The following SLC30A8 variants were observed in gnomAD, a reference collection of about 807,000 sequenced individuals.
The protein encoded by SLC30A8 is proton-coupled zinc antiporter SLC30A8.
SLC30A8 carries 27 observed loss-of-function variants against 36.9 expected under a neutral mutation model. The observed-to-expected ratio is 0.73, with a 90% CI of 0.54 to 1.01. SLC30A8 has a LOEUF of 1.01. SLC30A8 is among the 50% of genes least tolerant of loss of function. The pLI, the probability that SLC30A8 is intolerant of heterozygous loss-of-function variation, is 0.00. For synonymous variants in SLC30A8, 164 were observed against 172.4 expected (o/e 0.95, Z 0.38); for missense variants, 439 against 452.0 (o/e 0.97, Z 0.26).
At chr8:117,104,990 C>T (rs777212020) in intron 2 of SLC30A8, among the ~76,000 whole-genome samples, 7 of 152,040 alleles carry the variant, frequency 4.6e-5, no homozygotes, top group African/African-American at 1.7e-4. Context: ...TTATAATTAG[C>T]GTATAATGAG....
At chr8:117,141,553 A>G (rs1337707977) in intron 1 of SLC30A8, among the ~76,000 whole-genome samples, 3 of 152,070 alleles carry the variant, frequency 2.0e-5, no homozygotes, top group Non-Finnish European at 4.4e-5. Context: ...TCATATCATA[A>G]TTTTTTTCAA....
chr8:117,030,563 C>A lies in SLC30A8; in HGVS notation c.-265-8656C>A, dbSNP rs191719338. 2.5e-3 allele frequency among the ~76,000 whole-genome samples: 377 copies of A among 152,280 alleles called. 2 individuals are homozygous for A. The highest frequency in any genetic ancestry group is 8.7e-3 in the African/African-American group (363 of 41,544). ...TCTTTGTCATGCTGGAAGGAATAAA[C>A]TTCTGCCTGGGTGCAGTGTTAAATA... is the stretch of plus-strand genomic sequence containing the variant. On this transcript the variant is annotated intron_variant, in intron 1 of 10. Transcript: ENST00000427715.
chr8:117,018,596 G>A (rs955566068), intron 1 of SLC30A8, among the ~76,000 whole-genome samples: 1 of 150,962 alleles, frequency 6.6e-6, no homozygotes, highest in African/African-American at 2.4e-5. Flanking sequence ...GCATAGCACT[G>A]TTGCGTTTGA....
At chr8:117,106,719 C>G (rs1820011944) in intron 2 of SLC30A8, among the ~76,000 whole-genome samples, 1 of 152,154 alleles carries the variant, frequency 6.6e-6, no homozygotes, top group Non-Finnish European at 1.5e-5. Flanking sequence ...ATCCCCAGCC[C>G]ACTTTGACTC....
chr8:116,952,881 T>C (rs1363517146), intron 1 of SLC30A8, among the ~76,000 whole-genome samples: 1 of 149,988 alleles, frequency 6.7e-6, no homozygotes, highest in Non-Finnish European at 1.5e-5. Context: ...TAATGTCAAT[T>C]TTTATTTTAG....
intron 2 of SLC30A8, among the ~76,000 whole-genome samples, chr8:117,101,800 C>T (rs117808184): frequency 7.2e-4 from 110 of 152,252 alleles, no homozygotes; most frequent in South Asian, 1.0e-3. Flanking sequence ...TGCTTCCTAC[C>T]CTTGAATATC....
chr8:117,082,028 A>T (rs1818691197), intron 2 of SLC30A8, among the ~76,000 whole-genome samples: 1 of 152,208 alleles, frequency 6.6e-6, no homozygotes, highest in South Asian at 2.1e-4. Flanking sequence ...GTCATTAGTT[A>T]TCTCCTGAGT....
At chr8:117,095,109 CTTAGGTGGCTGCAGCTGCGCCAGGGA>C (rs1819300834) in intron 2 of SLC30A8, among the ~76,000 whole-genome samples, 1 of 152,192 alleles carries the variant, frequency 6.6e-6, no homozygotes, top group Non-Finnish European at 1.5e-5. Context: ...GCAGCCATGG[CTTAGGTGGCTGCAGCTGCGCCAGGGA>C]GGGCAGGGCT....
chr8:117,086,805 G>A (rs1053276177), intron 2 of SLC30A8, among the ~76,000 whole-genome samples: 1 of 152,226 alleles, frequency 6.6e-6, no homozygotes, highest in African/African-American at 2.4e-5. Context: ...TGGCTGGAAA[G>A]TACACTCTAC....
chr8:117,139,859 TAAAA>T (rs61537395), intron 1 of SLC30A8, among the ~76,000 whole-genome samples: 2 of 109,730 alleles, frequency 1.8e-5, no homozygotes, highest in Admixed American at 9.9e-5. Context: ...CAACATCTGG[TAAAA>T]AAAAAAAAAA....
intron 2 of SLC30A8, among the ~76,000 whole-genome samples, chr8:117,077,509 A>G (rs1175192681): frequency 6.6e-6 from 1 of 152,218 alleles, no homozygotes; most frequent in Non-Finnish European, 1.5e-5. Flanking sequence ...GCAAACCTAT[A>G]AGAATAAGAG....
At chr8:116,965,859 C>T (rs1814582419) in intron 1 of SLC30A8, among the ~76,000 whole-genome samples, 1 of 151,706 alleles carries the variant, frequency 6.6e-6, no homozygotes, top group African/African-American at 2.4e-5. Flanking sequence ...AGGCTCTTCC[C>T]TAACAATATT....
At chr8:116,950,735 A>G (rs1813966304), upstream of SLC30A8, among the ~76,000 whole-genome samples, 2 of 152,216 alleles carry the variant, frequency 1.3e-5, no homozygotes, top group African/African-American at 2.4e-5. Context: ...ATGCTAAGAA[A>G]TATCTCAAGA....
At chr8:117,036,652 T>C (rs1817223366) in intron 1 of SLC30A8, among the ~76,000 whole-genome samples, 1 of 152,042 alleles carries the variant, frequency 6.6e-6, no homozygotes, top group Admixed American at 6.5e-5. Context: ...CAAACACTTA[T>C]AAAACCATCA....
At chr8:117,113,672 G>T (rs556758367) in intron 2 of SLC30A8, among the ~76,000 whole-genome samples, 4 of 152,224 alleles carry the variant, frequency 2.6e-5, no homozygotes, top group East Asian at 3.9e-4. Context: ...ATGCAGAGAG[G>T]TTCTAGTGCT....
At chr8:117,065,992 T>C (rs1818156362) in intron 2 of SLC30A8, among the ~76,000 whole-genome samples, 2 of 152,100 alleles carry the variant, frequency 1.3e-5, no homozygotes, top group Admixed American at 6.6e-5. Context: ...CCCCATTCTG[T>C]ATTATTCCTT....
intron 7 of SLC30A8, among the ~76,000 whole-genome samples, 177 bp downstream of exon 7, chr8:117,171,345 A>C (rs1010402553): frequency 6.6e-6 from 1 of 152,060 alleles, no homozygotes; most frequent in Non-Finnish European, 1.5e-5. Context: ...TGTCATAGCA[A>C]CAATGATACC....
chr8:117,123,020 C>T (rs1386448902), intron 2 of SLC30A8, among the ~76,000 whole-genome samples: 2 of 152,000 alleles, frequency 1.3e-5, no homozygotes, highest in African/African-American at 4.8e-5. Context: ...ACCTTTATCA[C>T]TAAGCCCATT....
intron 1 of SLC30A8, among the ~76,000 whole-genome samples, chr8:116,955,291 G>T (rs1814153499): frequency 6.6e-6 from 1 of 152,290 alleles, no homozygotes; most frequent in East Asian, 1.9e-4. Flanking sequence ...TAAATCTGAT[G>T]ACTAGTGTCC....
Sources: gnomAD v4.1 joint callset for allele counts (sites outside exome capture counted in the v4.1 genomes callset) on GRCh38, gnomAD v4.1.1 for gene constraint, MANE v1.5 for transcripts, NCBI Gene and HGNC (gene_info 2026-07-23, HGNC 2026-07-21) for gene names.